Variants in UMODL1 observed in about 807,000 individuals in gnomAD.
UMODL1 encodes the protein uromodulin-like 1.
UMODL1 carries 128 observed loss-of-function variants against 136.3 expected under a neutral mutation model. The ratio of observed to expected loss-of-function variants is 0.94; its 90% confidence interval spans 0.81 to 1.09. UMODL1 has a LOEUF of 1.09. Among genes scored for constraint, UMODL1 ranks in the 50% least tolerant of loss-of-function variants. The pLI is 0.00. For missense variants in UMODL1, 1,766 were observed against 1,725.6 expected, an observed-to-expected ratio of 1.02 and a Z score of -0.41; for synonymous variants, 721 against 720.0, an observed-to-expected ratio of 1.00 and a Z score of -0.02.
At chr21:42,120,909 C>A in intron 15 of UMODL1, 178 bp from the exon 16 acceptor site, 1 of 706,466 alleles carries the variant, frequency 1.4e-6, no homozygotes, top group Non-Finnish European at 2.2e-6. Context: ...CTTAGCCATT[C>A]CCAGCCCCAG....
In UMODL1 at chr21:42,119,339, G is replaced by C. The variant is rs920157920; in HGVS notation, c.2689+15G>C. The stretch of plus-strand genomic sequence containing the variant: ...CTTCATACAGGGTACGAGAGGCTGG[G>C]ATGGAGCCTCTCCCGTGTTCTGGAA... On this transcript the variant is annotated intron_variant, in intron 15 of 22. Coordinates refer to ENST00000408910, the MANE Select transcript of UMODL1 (RefSeq NM_001004416.3). 1.2e-6 allele frequency: 2 copies of C among 1,609,366 alleles called. No individual in the cohort carries two copies. Among genetic ancestry groups the C allele is most frequent in the Non-Finnish European group, 1.7e-6 (2 of 1,177,370 alleles).
intron 3 of UMODL1, among the ~76,000 whole-genome samples, chr21:42,085,000 C>A (rs987583396): frequency 2.6e-5 from 4 of 151,424 alleles, no homozygotes; most frequent in African/African-American, 9.8e-5. Flanking sequence ...CTCTATTTAC[C>A]TCCTAAGCAG....
At chr21:42,138,250 T>A (rs894381290) in intron 22 of UMODL1, among the ~76,000 whole-genome samples, 1 of 152,198 alleles carries the variant, frequency 6.6e-6, no homozygotes, top group Non-Finnish European at 1.5e-5. Context: ...GGCCCCGCTA[T>A]GGGGTCTGAC....
Position 42,084,169 on chromosome 21 carries a change from G to A in UMODL1, c.405G>A (p.Leu135=), listed in dbSNP as rs749516298. 3.7e-6 allele frequency: 6 copies of A among 1,614,100 alleles called. No individual in the cohort carries two copies. The South Asian group carries it at 6.6e-5, about 18-fold the overall frequency. The change falls in exon 3 of 23, where the codon TTG becomes TTA. Residue 135 remains leucine, a synonymous_variant. Coordinates refer to ENST00000408910, the MANE Select transcript of UMODL1 (RefSeq NM_001004416.3). ...AACCATCCACCTCCCCCTGCAGCTTGGACATCGACTGTCCTGGACTTGAGA... is the reference window on the plus strand; with the variant it reads ...AACCATCCACCTCCCCCTGCAGCTTAGACATCGACTGTCCTGGACTTGAGA... ...GPEPSTSPCS[L]DIDCPGLEKC...
chr21:42,071,268 G>A, upstream of UMODL1: 1 of 1,468,432 alleles, frequency 6.8e-7, no homozygotes, highest in South Asian at 1.5e-5. Context: ...CAGAGACCCA[G>A]GCTTCTTGGT....
chr21:42,134,072 C>A (rs1407261971), intron 21 of UMODL1, among the ~76,000 whole-genome samples: 2 of 152,158 alleles, frequency 1.3e-5, no homozygotes, highest in Non-Finnish European at 2.9e-5. Context: ...TGTTGTGGGC[C>A]ACCACGCCAA....
At position 42,109,642 on chromosome 21, in the gene UMODL1, T is replaced by C; in HGVS notation, c.1600T>C (p.Cys534Arg). The C allele has an allele frequency of 1.9e-6, 3 of 1,609,786 alleles. No individual in the cohort carries two copies. The highest frequency in any genetic ancestry group is 2.5e-6 in the Non-Finnish European group (3 of 1,179,970). ...WCINLEGSYT[C>R]QCRTTRDATP... Reference sequence around the variant, plus strand: ...CATCAACCTGGAGGGCTCCTACACCTGCCAGTGCCGTACCACCAGGGACGC... The same window carrying C: ...CATCAACCTGGAGGGCTCCTACACCCGCCAGTGCCGTACCACCAGGGACGC... The change falls in exon 10 of 23, where the codon TGC becomes CGC. Residue 534 changes from cysteine (C) to arginine (R), a missense_variant. Physicochemically the swap from Cys to Arg is radical, Grantham distance 180 (BLOSUM62 -3). Coordinates refer to ENST00000408910, the MANE Select transcript of UMODL1 (RefSeq NM_001004416.3).
At chr21:42,087,341 G>A (rs1204868799) in intron 4 of UMODL1, among the ~76,000 whole-genome samples, 1 of 152,100 alleles carries the variant, frequency 6.6e-6, no homozygotes, top group Non-Finnish European at 1.5e-5. Context: ...CCAGGAAGGG[G>A]CTTCAAGTGT....
In UMODL1 at chr21:42,139,093, G is replaced by A. The variant is rs140684944; in HGVS notation, c.*21+1452G>A. Among the ~76,000 whole-genome samples the A allele has an allele frequency of 2.1e-3, 323 of 152,238 alleles. 2 individuals are homozygous for A. The highest frequency in any genetic ancestry group is 6.0e-3 in the African/African-American group (250 of 41,554). On this transcript the variant is annotated intron_variant, in intron 22 of 22. Transcript: ENST00000408910. ...TGAGGTGGAAGGATCCCTTGAGCTC[G>A]AGAGGTGGAGGTTGCAGTGAGCCGA...
At position 42,095,089 on chromosome 21, in the gene UMODL1, G is replaced by GGTTTTTT. The variant is rs1555922532; in HGVS notation, c.932-3837_932-3836insGTTTTTT. 4.7e-4 allele frequency among the ~76,000 whole-genome samples: 29 copies of GGTTTTTT among 61,206 alleles called. 1 individual carries two copies. The highest frequency in any genetic ancestry group is 0.016 in the Middle Eastern group (1 of 64). The allele number at this position is 61,206 out of a possible 152,430, so 40.2% of individuals were successfully genotyped here. A position where few individuals can be genotyped will look rare whatever the true frequency, so the allele number is the denominator to read the frequency against. ...CATCACTCCTTTGTTTTCTTCTGCT[G>GGTTTTTT]TTTTTTTTTTTTTTTTTTTTTTTGA... On this transcript the variant is annotated intron_variant, in intron 6 of 22. Coordinates refer to ENST00000408910, the MANE Select transcript of UMODL1 (RefSeq NM_001004416.3).
intron 2 of UMODL1, among the ~76,000 whole-genome samples, chr21:42,080,889 C>T (rs748695192): frequency 5.9e-5 from 9 of 152,258 alleles, no homozygotes; most frequent in Non-Finnish European, 1.2e-4. Context: ...GGCATTACCT[C>T]ATACGCACAT....
intron 9 of UMODL1, among the ~76,000 whole-genome samples, chr21:42,105,986 C>T (rs911752551): frequency 6.6e-6 from 1 of 152,222 alleles, no homozygotes; most frequent in Non-Finnish European, 1.5e-5. Flanking sequence ...GGCTCTTGCC[C>T]GGCAGGGTCC....
In UMODL1 at chr21:42,085,518, T is replaced by A; in HGVS notation, c.603+106T>A. Reference sequence around the variant, plus strand: ...GACCTGGGGGTTGGGGAGGGTGATGTTCCCCAAATGGCCCCAAATGACTGA... The same window carrying A: ...GACCTGGGGGTTGGGGAGGGTGATGATCCCCAAATGGCCCCAAATGACTGA... On this transcript the variant is annotated intron_variant, in intron 4 of 22. Coordinates refer to ENST00000408910, the MANE Select transcript of UMODL1 (RefSeq NM_001004416.3). This position sits in a 1 kb window ranked among gnomAD's most constrained non-coding sequence, Gnocchi z 4.5. 6.5e-7 allele frequency: 1 copy of A among 1,541,650 alleles called. No homozygotes were observed. Among genetic ancestry groups the A allele is most frequent in the Middle Eastern group, 1.9e-4 (1 of 5,246 alleles).
At chr21:42,131,402 G>A (rs1033985868) in intron 21 of UMODL1, among the ~76,000 whole-genome samples, 1 of 142,702 alleles carries the variant, frequency 7.0e-6, no homozygotes, top group Admixed American at 7.1e-5. Context: ...TGGGGAACAG[G>A]AGGAGGGAGG....
At chr21:42,064,301 C>T (rs1484497380) in intron 1 of UMODL1, among the ~76,000 whole-genome samples, 2 of 152,236 alleles carry the variant, frequency 1.3e-5, no homozygotes, top group African/African-American at 4.8e-5. Flanking sequence ...AGGGCTGCCC[C>T]TTCCCCCGAG....
intron 22 of UMODL1, 104 bp from the exon 23 acceptor site, chr21:42,141,992 C>T (rs898810816): frequency 3.3e-5 from 5 of 152,260 alleles, no homozygotes; most frequent in Non-Finnish European, 5.9e-5. Context: ...ACGCCATGTC[C>T]TCGGGTTGGT....
Position 42,111,374 on chromosome 21 carries a change from A to C in UMODL1, c.1900-132A>C, listed in dbSNP as rs420265. ...CCAGGAGAGCCCCAGCCAGGGGAGC[A>C]CCAGCCAGGCGAGCCCCAGCCATAG... On this transcript the variant is annotated intron_variant, in intron 11 of 22. Coordinates refer to ENST00000408910, the MANE Select transcript of UMODL1 (RefSeq NM_001004416.3). The C allele has an allele frequency of 3.4e-5, 54 of 1,611,120 alleles. No homozygotes were observed. In the East Asian group the frequency reaches 1.0e-3, roughly 30 times the overall value.
rs1427267917 is a variant in UMODL1 at position 42,099,208 on chromosome 21, T to G, written c.1186+28T>G. Reference sequence around the variant, plus strand: ...AAGGCCCCCAGTCAGAGACCCACGTTAGCTTGCGAGCTTGTCTTTCTATCC... The same window carrying G: ...AAGGCCCCCAGTCAGAGACCCACGTGAGCTTGCGAGCTTGTCTTTCTATCC... On this transcript the variant is annotated intron_variant, in intron 7 of 22. Transcript: ENST00000408910. This position sits in a 1 kb window ranked among gnomAD's most constrained non-coding sequence, Gnocchi z 4.1. 2 of 1,602,794 alleles carry G rather than the reference T, an allele frequency of 1.2e-6. No homozygotes were observed. Among genetic ancestry groups the G allele is most frequent in the African/African-American group, 2.7e-5 (2 of 74,642 alleles).
chr21:42,067,318 C>A (rs574120209), upstream of UMODL1, among the ~76,000 whole-genome samples: 4 of 152,246 alleles, frequency 2.6e-5, no homozygotes, highest in South Asian at 8.3e-4. Context: ...GCCTTACCTA[C>A]ATTTAATGAC....
Sources: gnomAD v4.1 joint callset for allele counts (sites outside exome capture counted in the v4.1 genomes callset) on GRCh38, gnomAD v4.1.1 for gene constraint, Gnocchi (gnomAD v3.1) non-coding constraint, MANE v1.5 for transcripts, NCBI Gene and HGNC (gene_info 2026-07-23, HGNC 2026-07-21) for gene names.